LRP1B: variants seen among roughly 807,000 people sequenced by gnomAD.
LRP1B encodes the protein LDL receptor related protein 1B.
Under a neutral mutation model 556.6 loss-of-function variants are expected in LRP1B, and 217 were observed. That is an observed-to-expected ratio of 0.39 (90% CI 0.35 to 0.44). The LOEUF (loss-of-function observed/expected upper bound fraction) is 0.44. LRP1B is among the 20% of genes least tolerant of loss of function. The pLI, the probability that LRP1B is intolerant of heterozygous loss-of-function variation, is 1.00. For synonymous variants in LRP1B, 2,047 were observed against 1,865.8 expected, an observed-to-expected ratio of 1.10 and a Z score of -2.50; for missense variants, 5,053 against 5,620.8, an observed-to-expected ratio of 0.90 and a Z score of 3.23.
At chr2:141,050,509 C>A (rs1034623531) in intron 10 of LRP1B, among the ~76,000 whole-genome samples, 2 of 151,934 alleles carry the variant, frequency 1.3e-5, no homozygotes, top group Non-Finnish European at 1.5e-5. Flanking sequence ...GCCCTTCATC[C>A]CTGACAGGCC....
intron 2 of LRP1B, among the ~76,000 whole-genome samples, chr2:141,569,211 T>G (rs115490013): frequency 0.024 from 3,605 of 151,106 alleles, 178 homozygotes; most frequent in African/African-American, 0.081. Context: ...AAATATCATA[T>G]AAGAGGTAGA....
chr2:140,701,899 G>T, intron 39 of LRP1B, 54 bp from the exon 40 acceptor site: 2 of 1,605,836 alleles, frequency 1.2e-6, no homozygotes, highest in Non-Finnish European at 8.5e-7. Flanking sequence ...TTAAAGTCAA[G>T]CCAGTTACTT....
At position 140,950,469 on chromosome 2, in the gene LRP1B, TCTAA is replaced by T. The variant is rs1315960243; in HGVS notation, c.2969-71_2969-68del. Reference sequence around the variant, plus strand: ...TGAAGAAATTTTTTCTTATGAAATATCTAACTGGTTTCTGTTGTTGTTGTTGTTT... The same window carrying T: ...TGAAGAAATTTTTTCTTATGAAATATCTGGTTTCTGTTGTTGTTGTTGTTT... On this transcript the variant is annotated intron_variant, in intron 19 of 90. Transcript: ENST00000389484. The T allele has an allele frequency of 4.6e-6, 6 of 1,293,864 alleles. No individual in the cohort carries two copies. In the African/African-American group the frequency reaches 9.1e-5, roughly 20 times the overall value. The allele number at this position is 1,293,864 out of a possible 1,614,324, so 80.1% of individuals were successfully genotyped here.
At chr2:142,032,858 C>T (rs1043994355) in intron 1 of LRP1B, among the ~76,000 whole-genome samples, 1 of 151,768 alleles carries the variant, frequency 6.6e-6, no homozygotes, top group Non-Finnish European at 1.5e-5. Context: ...CCCTTCCCTT[C>T]CCATTCTCTC....
intron 2 of LRP1B, among the ~76,000 whole-genome samples, chr2:141,516,080 G>C (rs1342496118): frequency 6.6e-6 from 1 of 152,096 alleles, no homozygotes; most frequent in Non-Finnish European, 1.5e-5. Context: ...GTAATGTGAT[G>C]CTTCAATTAT....
intron 1 of LRP1B, among the ~76,000 whole-genome samples, chr2:141,921,880 G>C (rs2104974782): frequency 6.6e-6 from 1 of 151,932 alleles, no homozygotes; most frequent in Non-Finnish European, 1.5e-5. Flanking sequence ...ACACTTAAGG[G>C]TTTCAGAGTA....
chr2:141,539,846 C>T (rs111867816), intron 2 of LRP1B, among the ~76,000 whole-genome samples: 3 of 152,034 alleles, frequency 2.0e-5, no homozygotes, highest in Non-Finnish European at 4.4e-5. Context: ...AATCTTTTGA[C>T]CTTTTTCAAG....
chr2:140,483,495 T>C (rs1011112837), intron 59 of LRP1B, among the ~76,000 whole-genome samples: 3 of 150,282 alleles, frequency 2.0e-5, no homozygotes, highest in Admixed American at 6.7e-5. Context: ...GCATATTGAA[T>C]AGCATGAAAT....
At chr2:141,832,414 T>C (rs937397136) in intron 1 of LRP1B, among the ~76,000 whole-genome samples, 5 of 151,032 alleles carry the variant, frequency 3.3e-5, no homozygotes, top group African/African-American at 4.9e-5. Context: ...GCAGAAATAG[T>C]AGTATATAAA....
At chr2:140,282,686 A>T (rs1682965828) in intron 84 of LRP1B, among the ~76,000 whole-genome samples, 1 of 151,794 alleles carries the variant, frequency 6.6e-6, no homozygotes, top group Non-Finnish European at 1.5e-5. Flanking sequence ...ACAGCCTATA[A>T]TCTCAAAGCT....
chr2:140,998,596 A>G (rs1477160002), intron 15 of LRP1B, among the ~76,000 whole-genome samples: 6 of 152,058 alleles, frequency 3.9e-5, no homozygotes, highest in Non-Finnish European at 5.9e-5. Flanking sequence ...ACAAGATTCA[A>G]AAAGACAAAG....
intron 7 of LRP1B, among the ~76,000 whole-genome samples, chr2:141,069,633 G>C (rs372727828): frequency 2.0e-5 from 3 of 151,922 alleles, no homozygotes; most frequent in Admixed American, 2.0e-4. Flanking sequence ...TCTGTCACCC[G>C]TGGCTACACT....
intron 1 of LRP1B, among the ~76,000 whole-genome samples, chr2:142,028,137 C>A (rs1244112513): frequency 6.6e-6 from 1 of 151,918 alleles, no homozygotes; most frequent in Non-Finnish European, 1.5e-5. Flanking sequence ...ATAGAGATTG[C>A]TCTTGTCTTA....
At position 141,534,619 on chromosome 2, in the gene LRP1B, A is replaced by C. The variant is rs76144694; in HGVS notation, c.206-54086T>G. 6.5e-3 allele frequency among the ~76,000 whole-genome samples: 997 copies of C among 152,234 alleles called. 19 individuals are homozygous for C. Among genetic ancestry groups the C allele is most frequent in the African/African-American group, 0.022 (910 of 41,546 alleles). On this transcript the variant is annotated intron_variant, in intron 2 of 90. Transcript: ENST00000389484. ...AGAACAGGGAAACAAATTTGTATAT[A>C]TATAAAAGTTGCAGTCAAGGTCTCA...
At chr2:140,960,138 A>G (rs1177458031) in intron 18 of LRP1B, among the ~76,000 whole-genome samples, 1 of 151,472 alleles carries the variant, frequency 6.6e-6, no homozygotes, top group Non-Finnish European at 1.5e-5. Context: ...TATAATTCTG[A>G]TATCTTGACT....
chr2:141,958,367 A>C (rs1186740405), intron 1 of LRP1B, among the ~76,000 whole-genome samples: 1 of 151,992 alleles, frequency 6.6e-6, no homozygotes, highest in African/African-American at 2.4e-5. Context: ...TCAGAAGGCT[A>C]TGAAGTCATT....
intron 7 of LRP1B, among the ~76,000 whole-genome samples, chr2:141,159,163 G>A (rs186867735): frequency 1.7e-4 from 26 of 152,164 alleles, no homozygotes; most frequent in Admixed American, 1.5e-3. Context: ...TAGATTAGTC[G>A]TTATAAAACA....
At chr2:141,017,133 A>G (rs1408885131) in intron 12 of LRP1B, among the ~76,000 whole-genome samples, 3 of 152,224 alleles carry the variant, frequency 2.0e-5, no homozygotes, top group Non-Finnish European at 4.4e-5. Context: ...TCTATATTGT[A>G]TCTTGTAATT....
At position 140,850,233 on chromosome 2, in the gene LRP1B, G is replaced by A; in HGVS notation, c.4808C>T (p.Pro1603Leu). 1 of 1,612,742 alleles carries A rather than the reference G, an allele frequency of 6.2e-7. No individual in the cohort carries two copies. Among genetic ancestry groups the A allele is most frequent in the Non-Finnish European group, 8.5e-7 (1 of 1,178,874 alleles). The change falls in exon 29 of 91, where the codon CCT becomes CTT. Residue 1603 changes from proline (P) to leucine (L), a missense_variant. Around this residue, in one of 5 missense-constraint regions of LRP1B, gnomAD observed 3,619 missense variants for 3,931.9 expected, o/e 0.92. Transcript: ENST00000389484. ...YFNFITAFTV[P>L]DIDDVTVIDF... ...TATCACAGTAACGTCATCAATATCA[G>A]GGACTGTAAATGCCGTGATGAAGTT...
Sources: gnomAD v4.1 joint callset for allele counts (sites outside exome capture counted in the v4.1 genomes callset) on GRCh38, gnomAD v4.1.1 for gene constraint, gnomAD v4.1.1 regional missense constraint, MANE v1.5 for transcripts, NCBI Gene and HGNC (gene_info 2026-07-23, HGNC 2026-07-21) for gene names.